The following GPC3 variants were observed in gnomAD, a reference collection of about 807,000 sequenced individuals.
The protein encoded by GPC3 is glypican 3, also known as glypican-3.
A neutral mutation model predicts 34.4 loss-of-function variants in GPC3; 3 were observed. That is an observed-to-expected ratio of 0.09 (90% CI 0.04 to 0.23). The LOEUF (loss-of-function observed/expected upper bound fraction) is 0.23. Among genes scored for constraint, GPC3 ranks in the 10% least tolerant of loss-of-function variants. The pLI is 1.00. For missense variants in GPC3, 351 were observed against 445.6 expected, an observed-to-expected ratio of 0.79 and a Z score of 1.91; for synonymous variants, 177 against 174.0, an observed-to-expected ratio of 1.02 and a Z score of -0.13.
At chrX:133,713,131 C>A (rs113224370) in intron 3 of GPC3, among the ~76,000 whole-genome samples, 3 of 111,829 alleles carry the variant, frequency 2.7e-5, no homozygotes, top group African/African-American at 9.7e-5. Flanking sequence ...TTATATTCAT[C>A]CAGTATTAAG....
rs188334379 is a variant in GPC3, at chrX:133,965,091, C to A, written c.176-11880G>T. Among the ~76,000 whole-genome samples the A allele has an allele frequency of 1.3e-4, 14 of 111,749 alleles. No homozygotes were observed. The East Asian group carries it at 3.9e-3, about 31-fold the overall frequency. On this transcript the variant is annotated intron_variant, in intron 1 of 7. Coordinates refer to ENST00000370818, the MANE Select transcript of GPC3 (RefSeq NM_004484.4). ...ATTTCTTCAAACAAGTTCCTCCTTACAGTAGAGAGTTCTGGTAAACTGGTA... is the reference window on the plus strand; with the variant it reads ...ATTTCTTCAAACAAGTTCCTCCTTAAAGTAGAGAGTTCTGGTAAACTGGTA...
chrX:133,567,714 A>G (rs764342752), intron 7 of GPC3, among the ~76,000 whole-genome samples: 4 of 112,025 alleles, frequency 3.6e-5, no homozygotes, highest in East Asian at 5.6e-4. Context: ...TTGGAATTCA[A>G]TATACTCCAG....
chrX:133,948,078 G>A (rs183199454), intron 2 of GPC3, among the ~76,000 whole-genome samples: 15 of 110,738 alleles, frequency 1.4e-4, no homozygotes, highest in African/African-American at 4.3e-4. Flanking sequence ...TTGTGAAATG[G>A]AGAAAAATGG....
chrX:133,790,474 G>C (rs1309293075), intron 2 of GPC3, among the ~76,000 whole-genome samples: 1 of 111,308 alleles, frequency 9.0e-6, no homozygotes, highest in Non-Finnish European at 1.9e-5. Flanking sequence ...TGCTGTGTTG[G>C]GGGGAGACCG....
chrX:133,597,268 G>A (rs1480683772), intron 6 of GPC3, among the ~76,000 whole-genome samples: 1 of 111,742 alleles, frequency 8.9e-6, no homozygotes, highest in Non-Finnish European at 1.9e-5. Context: ...CATGGCCAAT[G>A]CATTACGAAT....
rs752551645 is a variant in GPC3 at position 133,625,439 on chromosome X, C to G, written c.1414-28840G>C. ...ACCCCATCGTCTCAGCCCAAAATCT[C>G]CTTAAGCTGATAAGCAACTTCAGCG... On this transcript the variant is annotated intron_variant, in intron 6 of 7. Coordinates refer to ENST00000370818, the MANE Select transcript of GPC3 (RefSeq NM_004484.4). Among the ~76,000 whole-genome samples the G allele has an allele frequency of 4.3e-4, 48 of 112,193 alleles. 1 individual carries two copies. The highest frequency in any genetic ancestry group is 1.5e-3 in the African/African-American group (46 of 30,941).
intron 1 of GPC3, among the ~76,000 whole-genome samples, chrX:133,969,452 A>G (rs780177749): frequency 8.9e-6 from 1 of 112,236 alleles, no homozygotes; most frequent in Non-Finnish European, 1.9e-5. Flanking sequence ...ATTTTCAATA[A>G]CACAACAGAA....
At chrX:133,675,218 GTTTT>G (rs1346070312) in intron 5 of GPC3, among the ~76,000 whole-genome samples, 1 of 111,811 alleles carries the variant, frequency 8.9e-6, no homozygotes, top group Non-Finnish European at 1.9e-5. Context: ...TCCTGCCACT[GTTTT>G]CCGTCAGCTC....
chrX:133,853,139 CTG>C (rs1377888956), intron 2 of GPC3, among the ~76,000 whole-genome samples: 1 of 111,519 alleles, frequency 9.0e-6, no homozygotes, highest in Non-Finnish European at 1.9e-5. Flanking sequence ...CACTTCCTAA[CTG>C]TGTGACTCTG....
At chrX:133,691,572 T>C (rs1479773391) in intron 5 of GPC3, among the ~76,000 whole-genome samples, 1 of 110,912 alleles carries the variant, frequency 9.0e-6, no homozygotes, top group Non-Finnish European at 1.9e-5. Context: ...AATATTTCAG[T>C]AAAATTGCTC....
chrX:133,756,565 T>C (rs996287320), intron 2 of GPC3, among the ~76,000 whole-genome samples: 2 of 112,624 alleles, frequency 1.8e-5, no homozygotes, highest in African/African-American at 3.2e-5. Context: ...AGTGCATTCA[T>C]TCTCCAATGT....
At chrX:133,828,075 A>G (rs2075758206) in intron 2 of GPC3, among the ~76,000 whole-genome samples, 1 of 111,956 alleles carries the variant, frequency 8.9e-6, no homozygotes, top group Non-Finnish European at 1.9e-5. Context: ...GCATTAAAAA[A>G]TAACACAAAA....
chrX:133,843,240 T>G (rs1388910822), intron 2 of GPC3, among the ~76,000 whole-genome samples: 2 of 111,440 alleles, frequency 1.8e-5, no homozygotes, highest in Non-Finnish European at 3.8e-5. Context: ...CTATTCCCAA[T>G]GTTGGAGGTG....
At chrX:133,812,277 A>T (rs1461094877) in intron 2 of GPC3, among the ~76,000 whole-genome samples, 2 of 112,290 alleles carry the variant, frequency 1.8e-5, no homozygotes, top group Non-Finnish European at 3.8e-5. Context: ...TCTCAAAAAC[A>T]TTTACCATTC....
At chrX:133,896,031 G>A (rs2076110610) in intron 2 of GPC3, among the ~76,000 whole-genome samples, 1 of 111,704 alleles carries the variant, frequency 9.0e-6, no homozygotes, top group East Asian at 2.8e-4. Flanking sequence ...TGCTTCTCCA[G>A]TCCAACTTTT....
intron 2 of GPC3, among the ~76,000 whole-genome samples, chrX:133,758,455 A>C (rs988723091): frequency 1.8e-5 from 2 of 111,677 alleles, no homozygotes; most frequent in Non-Finnish European, 3.8e-5. Flanking sequence ...AGGAACAGAA[A>C]ACCTAACACC....
chrX:133,765,857 A>G (rs1028091491), intron 2 of GPC3, among the ~76,000 whole-genome samples: 1 of 112,070 alleles, frequency 8.9e-6, no homozygotes, highest in African/African-American at 3.2e-5. Context: ...CCTTTCCATC[A>G]TTAATGAGAA....
chrX:133,852,598 A>G (rs2124560473), intron 2 of GPC3, among the ~76,000 whole-genome samples: 1 of 111,571 alleles, frequency 9.0e-6, no homozygotes, highest in South Asian at 3.8e-4. Context: ...GAATTTTGCC[A>G]ATCACAAGAT....
intron 6 of GPC3, among the ~76,000 whole-genome samples, chrX:133,649,840 T>A (rs532868672): frequency 8.9e-6 from 1 of 111,984 alleles, no homozygotes. Context: ...TGACAACAAG[T>A]GGTCACTGGT....
Sources: allele counts gnomAD v4.1 joint callset (sites outside exome capture counted in the v4.1 genomes callset), GRCh38; gene constraint gnomAD v4.1.1; transcripts MANE v1.5; gene names NCBI Gene and HGNC (gene_info 2026-07-23, HGNC 2026-07-21).